The following COBL variants were observed in gnomAD, a reference collection of about 807,000 sequenced individuals.
COBL encodes protein cordon-bleu.
Under a neutral mutation model 98.8 loss-of-function variants are expected in COBL, and 51 were observed. The observed-to-expected ratio is 0.52, with a 90% CI of 0.41 to 0.65. COBL has a LOEUF of 0.65. Ranked by LOEUF, COBL falls within the 30% of genes least tolerant of loss-of-function variation. COBL has a pLI of 0.00. For synonymous variants in COBL, 634 were observed against 651.7 expected, an observed-to-expected ratio of 0.97 and a Z score of 0.41; for missense variants, 1,617 against 1,617.5, an observed-to-expected ratio of 1.00 and a Z score of 0.01.
chr7:51,146,961 C>CA (rs946072950), intron 5 of COBL, among the ~76,000 whole-genome samples: 1 of 152,202 alleles, frequency 6.6e-6, no homozygotes. Context: ...CTCAGCTCCC[C>CA]ACCTTGGGCA....
In COBL at chr7:51,083,224, A is replaced by T. The variant is rs753638956; in HGVS notation, c.1096+1942T>A. ...GAGGCTTTTGTGGCACCTGCCGTCC[A>T]CCACCTATATGGAATCAACAGGGAG... On this transcript the variant is annotated intron_variant, in intron 7 of 12. Transcript: ENST00000265136. The T allele has an allele frequency of 1.4e-5, 21 of 1,458,876 alleles. No homozygotes were observed. In the African/African-American group the frequency reaches 2.9e-4, roughly 20 times the overall value. 90.4% of individuals were successfully genotyped at this position (1,458,876 alleles called of 1,614,324 possible).
chr7:51,047,594 C>T (rs367615840), intron 7 of COBL, among the ~76,000 whole-genome samples: 4 of 152,090 alleles, frequency 2.6e-5, no homozygotes, highest in African/African-American at 4.8e-5. Flanking sequence ...TATGATATTG[C>T]TTTTTTTGTG....
chr7:51,224,281 G>T lies in COBL; in HGVS notation c.42-4337C>A, dbSNP rs541076901. Among the ~76,000 whole-genome samples, 4 of 152,296 alleles carry T rather than the reference G, an allele frequency of 2.6e-5. No individual in the cohort carries two copies. In the South Asian group the frequency reaches 8.3e-4, roughly 32 times the overall value. ...GTACTTAAAAATGCTTATTGATGAT[G>T]ATGATATTGACACTGCTGAAAATTA... On this transcript the variant is annotated intron_variant, in intron 1 of 12. Coordinates refer to ENST00000265136, the MANE Select transcript of COBL (RefSeq NM_015198.5).
intron 1 of COBL, among the ~76,000 whole-genome samples, chr7:51,263,681 A>G (rs1209471938): frequency 6.6e-6 from 1 of 152,150 alleles, no homozygotes; most frequent in South Asian, 2.1e-4. Flanking sequence ...CACTGGTGTC[A>G]GCACCAGCAG....
chr7:51,300,957 G>A (rs759365331), intron 1 of COBL, among the ~76,000 whole-genome samples: 3 of 152,266 alleles, frequency 2.0e-5, no homozygotes, highest in Non-Finnish European at 2.9e-5. Context: ...CTGTGTGACC[G>A]CGGGGTCCAG....
chr7:51,123,183 A>C (rs1456541623), intron 6 of COBL, among the ~76,000 whole-genome samples: 1 of 152,200 alleles, frequency 6.6e-6, no homozygotes, highest in Non-Finnish European at 1.5e-5. Context: ...GCATCTCAAA[A>C]AACAGGCAGA....
At chr7:51,108,963 G>A (rs1489550484) in intron 6 of COBL, among the ~76,000 whole-genome samples, 5 of 85,156 alleles carry the variant, frequency 5.9e-5, no homozygotes, top group African/African-American at 1.6e-4. Flanking sequence ...CACACCCCCT[G>A]CCCCATGAAG....
At chr7:51,262,736 G>A (rs139957843) in intron 1 of COBL, among the ~76,000 whole-genome samples, 5 of 152,328 alleles carry the variant, frequency 3.3e-5, no homozygotes, top group East Asian at 3.9e-4. Flanking sequence ...ACCAGGGGCC[G>A]GTTGGTCCCA....
intron 1 of COBL, among the ~76,000 whole-genome samples, chr7:51,305,699 A>C (rs1802395554): frequency 6.6e-6 from 1 of 152,184 alleles, no homozygotes. Context: ...CACAGCACTA[A>C]AAAGCCCCTA....
chr7:51,302,849 C>CTATACAGG (rs1802108445), intron 1 of COBL, among the ~76,000 whole-genome samples: 1 of 152,180 alleles, frequency 6.6e-6, no homozygotes, highest in Admixed American at 6.5e-5. Flanking sequence ...AAAGATGACG[C>CTATACAGG]TATACAGGGC....
At chr7:51,030,332 G>T (rs566736055) in intron 9 of COBL, among the ~76,000 whole-genome samples, 2 of 152,296 alleles carry the variant, frequency 1.3e-5, no homozygotes, top group African/African-American at 4.8e-5. Flanking sequence ...TTTGCCATCT[G>T]CTTTGGCCTT....
intron 7 of COBL, among the ~76,000 whole-genome samples, chr7:51,081,827 CT>C (rs1333730575): frequency 9.2e-5 from 14 of 152,062 alleles, no homozygotes; most frequent in African/African-American, 2.2e-4. Flanking sequence ...CTCTCATGGC[CT>C]TGGTGTGTGG....
At chr7:51,288,799 G>C (rs1290407051) in intron 1 of COBL, among the ~76,000 whole-genome samples, 1 of 117,438 alleles carries the variant, frequency 8.5e-6, no homozygotes, top group Non-Finnish European at 1.7e-5. Context: ...ATACAAATGG[G>C]AAATAAGAAC....
chr7:51,310,364 T>C (rs1802898966), intron 1 of COBL, among the ~76,000 whole-genome samples: 1 of 152,190 alleles, frequency 6.6e-6, no homozygotes, highest in Non-Finnish European at 1.5e-5. Flanking sequence ...CAAAGCTTCT[T>C]GTTCCTGAGA....
At chr7:51,228,065 G>A (rs560077831) in intron 1 of COBL, among the ~76,000 whole-genome samples, 1 of 152,254 alleles carries the variant, frequency 6.6e-6, no homozygotes, top group South Asian at 2.1e-4. Flanking sequence ...GGCACTGTCT[G>A]TTGAAAGTCT....
At chr7:51,193,269 C>G in intron 3 of COBL, 110 bp downstream of exon 3, 1 of 955,422 alleles carries the variant, frequency 1.0e-6, no homozygotes, top group South Asian at 1.7e-5. Flanking sequence ...AAGTAGCAGC[C>G]TCAGCCACAG....
Position 51,028,736 on chromosome 7 carries a change from G to T in COBL, c.2360C>A (p.Ser787Tyr). The T allele has an allele frequency of 6.2e-7, 1 of 1,614,158 alleles. No individual in the cohort carries two copies. The highest frequency in any genetic ancestry group is 1.1e-5 in the South Asian group (1 of 91,086). The change falls in exon 10 of 13, where the codon TCT becomes TAT. Residue 787 changes from serine to tyrosine, a missense_variant. Ser to Tyr is a moderately radical substitution (Grantham distance 144). Coordinates refer to ENST00000265136, the MANE Select transcript of COBL (RefSeq NM_015198.5). ...EKHLGRPSESSARGPPSTPVP... is the reference protein window; with the variant it reads ...EKHLGRPSESYARGPPSTPVP... ...AGGGGTGGAGGGGGGTCCCCTGGCA[G>T]AGCTCTCTGAGGGTCGGCCCAGGTG...
intron 7 of COBL, among the ~76,000 whole-genome samples, chr7:51,046,936 G>A (rs539974111): frequency 3.3e-5 from 5 of 152,272 alleles, no homozygotes; most frequent in African/African-American, 4.8e-5. Flanking sequence ...CTTCTAGAGT[G>A]GAACTGTTAA....
intron 5 of COBL, among the ~76,000 whole-genome samples, chr7:51,175,076 G>A (rs1337234564): frequency 6.6e-6 from 1 of 152,186 alleles, no homozygotes; most frequent in Non-Finnish European, 1.5e-5. Flanking sequence ...CACCTGGGCT[G>A]CCCTTTCCAC....
Sources: allele counts gnomAD v4.1 joint callset (sites outside exome capture counted in the v4.1 genomes callset), GRCh38; gene constraint gnomAD v4.1.1; transcripts MANE v1.5; gene names NCBI Gene and HGNC (gene_info 2026-07-23, HGNC 2026-07-21).